Variants in LRRTM3 observed in about 807,000 individuals in gnomAD.
LRRTM3 encodes leucine-rich repeat transmembrane neuronal protein 3.
LRRTM3 carries 24 observed loss-of-function variants against 44.7 expected under a neutral mutation model. The observed-to-expected ratio is 0.54, with a 90% CI of 0.39 to 0.76. The LOEUF (loss-of-function observed/expected upper bound fraction) is 0.76, where lower values mean the gene tolerates loss of function less well. Ranked by LOEUF, LRRTM3 falls within the 30% of genes least tolerant of loss-of-function variation. LRRTM3 has a pLI of 0.00. For missense variants in LRRTM3, 587 were observed against 702.2 expected, an observed-to-expected ratio of 0.84 and a Z score of 1.85; for synonymous variants, 277 against 278.7, an observed-to-expected ratio of 0.99 and a Z score of 0.06.
rs1855051396 is a variant in LRRTM3, at chr10:67,050,949, G to T, written c.1537-46638G>T. Among the ~76,000 whole-genome samples, 7 of 152,248 alleles carry T rather than the reference G, an allele frequency of 4.6e-5. No individual in the cohort carries two copies. In the South Asian group the frequency reaches 1.2e-3, roughly 27 times the overall value. ...AATCACATTATTTGCAGAGGTTGGG[G>T]AGTCCCACAAATCAGCCCCCACAAC... On this transcript the variant is annotated intron_variant, in intron 2 of 2. Coordinates refer to ENST00000361320, the MANE Select transcript of LRRTM3 (RefSeq NM_178011.5).
intron 2 of LRRTM3, among the ~76,000 whole-genome samples, chr10:66,984,905 T>G (rs1021251961): frequency 6.6e-6 from 1 of 152,202 alleles, no homozygotes; most frequent in African/African-American, 2.4e-5. Context: ...GCTTTTTTTT[T>G]GTTTAAGTAC....
At chr10:66,995,569 TA>T (rs1340211815) in intron 2 of LRRTM3, among the ~76,000 whole-genome samples, 2 of 152,220 alleles carry the variant, frequency 1.3e-5, no homozygotes, top group African/African-American at 4.8e-5. Context: ...TCTTGCAGGA[TA>T]AATTACAAAT....
At chr10:66,931,080 C>G (rs1354171784) in intron 2 of LRRTM3, among the ~76,000 whole-genome samples, 1 of 150,498 alleles carries the variant, frequency 6.6e-6, no homozygotes, top group Non-Finnish European at 1.5e-5. Flanking sequence ...TATCATAAAT[C>G]TATTTGTATA....
chr10:67,070,680 G>T (rs1159493126), intron 2 of LRRTM3, among the ~76,000 whole-genome samples: 1 of 151,886 alleles, frequency 6.6e-6, no homozygotes, highest in Non-Finnish European at 1.5e-5. Flanking sequence ...CCGGGAGGCG[G>T]AGGTTGCAGG....
intron 2 of LRRTM3, among the ~76,000 whole-genome samples, chr10:66,966,485 A>T (rs983732526): frequency 2.0e-5 from 3 of 150,574 alleles, no homozygotes; most frequent in Non-Finnish European, 3.0e-5. Flanking sequence ...TATGTAATAT[A>T]TTTTTTTTTT....
At chr10:67,006,212 A>G (rs367898459) in intron 2 of LRRTM3, among the ~76,000 whole-genome samples, 2 of 152,118 alleles carry the variant, frequency 1.3e-5, no homozygotes, top group East Asian at 3.9e-4. Flanking sequence ...GAAGTGGCAG[A>G]GTCAGGATTT....
rs976695325 is a variant in LRRTM3 at position 67,101,468 on chromosome 10, A to C, written c.*3672A>C. On this transcript the variant is annotated 3_prime_UTR_variant, in exon 3 of 3. Transcript: ENST00000361320. The stretch of plus-strand genomic sequence containing the variant: ...ATTTTCTCCATTTTCTTATAAGAAA[A>C]ATAAAATATAATTTATCCAAATTGA... Among the ~76,000 whole-genome samples, 3 of 151,766 alleles carry C rather than the reference A, an allele frequency of 2.0e-5. No homozygotes were observed. The highest frequency in any genetic ancestry group is 4.4e-5 in the Non-Finnish European group (3 of 67,828).
chr10:66,990,001 T>C (rs1056343542), intron 2 of LRRTM3, among the ~76,000 whole-genome samples: 17 of 152,178 alleles, frequency 1.1e-4, no homozygotes, highest in African/African-American at 3.6e-4. Context: ...TTCAGGCACA[T>C]ATATATTATA....
chr10:66,926,364 G>T lies in LRRTM3; in HGVS notation c.-220G>T. 8.3e-6 allele frequency: 5 copies of T among 600,340 alleles called. No individual in the cohort carries two copies. The highest frequency in any genetic ancestry group is 2.8e-5 in the Admixed American group (1 of 35,642). The allele number at this position is 600,340 out of a possible 1,614,324, so 37.2% of individuals were successfully genotyped here. ...TTACCTAGGAAGATTTTGATGTTTT[G>T]CTGCGAATGCGGTGTTGGGATTTAT... On this transcript the variant is annotated 5_prime_UTR_variant, in exon 1 of 3. Transcript: ENST00000361320.
chr10:67,004,903 C>T (rs892698549), intron 2 of LRRTM3, among the ~76,000 whole-genome samples: 1 of 152,108 alleles, frequency 6.6e-6, no homozygotes, highest in African/African-American at 2.4e-5. Context: ...TCTAGTAGAA[C>T]GCAGTATTTT....
intron 2 of LRRTM3, among the ~76,000 whole-genome samples, chr10:66,937,429 CATA>C (rs1847768033): frequency 6.6e-6 from 1 of 152,116 alleles, no homozygotes; most frequent in Non-Finnish European, 1.5e-5. Flanking sequence ...AAGGTTGGCA[CATA>C]ATACTTTCTC....
chr10:66,944,746 C>CA (rs1227262690), intron 2 of LRRTM3, among the ~76,000 whole-genome samples: 1 of 152,128 alleles, frequency 6.6e-6, no homozygotes, highest in Non-Finnish European at 1.5e-5. Flanking sequence ...CTTTGAAAGT[C>CA]AAAATTATTC....
chr10:67,003,496 C>T (rs536869960), intron 2 of LRRTM3, among the ~76,000 whole-genome samples: 88 of 152,304 alleles, frequency 5.8e-4, no homozygotes, highest in Non-Finnish European at 8.8e-4. Context: ...GGAAACTTTG[C>T]ATACTATATT....
At position 67,101,243 on chromosome 10, in the gene LRRTM3, A is replaced by G. The variant is rs1244241090; in HGVS notation, c.*3447A>G. Among the ~76,000 whole-genome samples the G allele has an allele frequency of 1.3e-5, 2 of 151,738 alleles. No individual in the cohort carries two copies. Among genetic ancestry groups the G allele is most frequent in the African/African-American group, 2.4e-5 (1 of 41,394 alleles). Reference sequence around the variant, plus strand: ...AGAAACCCCAAGGAAAAAACCAAAGACCTTCTAAATTGAGACTGCATAATT... The same window carrying G: ...AGAAACCCCAAGGAAAAAACCAAAGGCCTTCTAAATTGAGACTGCATAATT... On this transcript the variant is annotated 3_prime_UTR_variant, in exon 3 of 3. Coordinates refer to ENST00000361320, the MANE Select transcript of LRRTM3 (RefSeq NM_178011.5).
At chr10:67,066,136 A>G (rs906542797) in intron 2 of LRRTM3, among the ~76,000 whole-genome samples, 1 of 151,088 alleles carries the variant, frequency 6.6e-6, no homozygotes, top group Non-Finnish European at 1.5e-5. Flanking sequence ...AACTTTCTCA[A>G]TACCATCACC....
intron 2 of LRRTM3, among the ~76,000 whole-genome samples, chr10:67,008,253 A>G (rs959861384): frequency 2.0e-5 from 3 of 152,108 alleles, no homozygotes; most frequent in Admixed American, 6.6e-5. Flanking sequence ...GTTTTATCCT[A>G]ACTTCCATCA....
chr10:67,008,529 T>G (rs1369327917), intron 2 of LRRTM3, among the ~76,000 whole-genome samples: 1 of 152,158 alleles, frequency 6.6e-6, no homozygotes, highest in East Asian at 1.9e-4. Flanking sequence ...CAATAATGTA[T>G]TTGTTCATAA....
chr10:66,941,472 G>A (rs1847990125), intron 2 of LRRTM3, among the ~76,000 whole-genome samples: 1 of 152,124 alleles, frequency 6.6e-6, no homozygotes, highest in African/African-American at 2.4e-5. Context: ...CTTAAGGTTA[G>A]AGTCCACTTT....
chr10:66,975,175 T>A (rs1393700074), intron 2 of LRRTM3, among the ~76,000 whole-genome samples: 3 of 152,220 alleles, frequency 2.0e-5, no homozygotes, highest in African/African-American at 4.8e-5. Flanking sequence ...CATGTGATTC[T>A]GCAATTGATA....
Sources: gnomAD v4.1 joint callset for allele counts (sites outside exome capture counted in the v4.1 genomes callset) on GRCh38, gnomAD v4.1.1 for gene constraint, MANE v1.5 for transcripts, NCBI Gene and HGNC (gene_info 2026-07-23, HGNC 2026-07-21) for gene names.